SPIRE1: variants seen among roughly 807,000 people sequenced by gnomAD.
SPIRE1 encodes the protein spire type actin nucleation factor 1.
A neutral mutation model predicts 94.1 loss-of-function variants in SPIRE1; 40 were observed. That is an observed-to-expected ratio of 0.43 (90% CI 0.33 to 0.55). The LOEUF is 0.55. Among genes scored for constraint, SPIRE1 ranks in the 20% least tolerant of loss-of-function variants. SPIRE1 has a pLI of 0.06. For synonymous variants in SPIRE1, 376 were observed against 371.7 expected, an observed-to-expected ratio of 1.01 and a Z score of -0.13; for missense variants, 838 against 975.2, an observed-to-expected ratio of 0.86 and a Z score of 1.87.
intron 3 of SPIRE1, among the ~76,000 whole-genome samples, chr18:12,539,661 G>A (rs968609170): frequency 6.6e-6 from 1 of 151,782 alleles, no homozygotes; most frequent in Non-Finnish European, 1.5e-5. Flanking sequence ...AAGTGTGGTG[G>A]CTCACACCTG....
intron 2 of SPIRE1, among the ~76,000 whole-genome samples, chr18:12,621,297 T>G (rs1424416581): frequency 6.6e-6 from 1 of 152,226 alleles, no homozygotes; most frequent in Non-Finnish European, 1.5e-5. Flanking sequence ...AGAGTTACTT[T>G]GAGAAACAGT....
chr18:12,527,294 C>T (rs79571248), intron 4 of SPIRE1, among the ~76,000 whole-genome samples: 107 of 152,286 alleles, frequency 7.0e-4, no homozygotes, highest in Non-Finnish European at 1.4e-3. Context: ...TTTATCATCA[C>T]AGGCAGCTAC....
chr18:12,571,137 C>T (rs1209874750), intron 2 of SPIRE1, among the ~76,000 whole-genome samples: 1 of 152,140 alleles, frequency 6.6e-6, no homozygotes. Context: ...CGCAGTTGCA[C>T]AACCTCTGCT....
At chr18:12,513,096 C>T (rs986635479) in intron 4 of SPIRE1, among the ~76,000 whole-genome samples, 5 of 152,140 alleles carry the variant, frequency 3.3e-5, no homozygotes, top group African/African-American at 7.2e-5. Flanking sequence ...CATATTAGTG[C>T]CTTCCCTCTA....
intron 2 of SPIRE1, among the ~76,000 whole-genome samples, chr18:12,557,648 C>G (rs1247098389): frequency 6.6e-6 from 1 of 152,038 alleles, no homozygotes; most frequent in Non-Finnish European, 1.5e-5. Flanking sequence ...GATGCTGAGG[C>G]CTGAGGAGGC....
chr18:12,654,645 A>C (rs548333506), intron 1 of SPIRE1, among the ~76,000 whole-genome samples: 2 of 150,262 alleles, frequency 1.3e-5, no homozygotes, highest in South Asian at 2.1e-4. Context: ...ACTGAGCGAG[A>C]CTCCGTCTCA....
chr18:12,629,651 T>A (rs1292911402), intron 2 of SPIRE1, among the ~76,000 whole-genome samples: 2 of 152,014 alleles, frequency 1.3e-5, no homozygotes. Context: ...CAAAGTGGCA[T>A]GGGGGACGTT....
intron 2 of SPIRE1, among the ~76,000 whole-genome samples, chr18:12,549,862 G>A (rs1354528129): frequency 6.6e-6 from 1 of 152,072 alleles, no homozygotes; most frequent in African/African-American, 2.4e-5. Context: ...CAACACCAGC[G>A]ATGGCTTCCA....
At chr18:12,635,004 T>C in intron 2 of SPIRE1, 58 bp downstream of exon 2, 2 of 921,772 alleles carry the variant, frequency 2.2e-6, no homozygotes, top group Non-Finnish European at 3.4e-6. Context: ...GTACTCAAGT[T>C]AGTCTAAACA....
chr18:12,593,061 C>A (rs2036576651), intron 2 of SPIRE1, among the ~76,000 whole-genome samples: 1 of 152,220 alleles, frequency 6.6e-6, no homozygotes. Context: ...TTGTAGATTA[C>A]TCTTCGTGTT....
intron 7 of SPIRE1, among the ~76,000 whole-genome samples, chr18:12,494,848 A>G (rs1239556104): frequency 2.7e-5 from 4 of 146,948 alleles, no homozygotes; most frequent in Non-Finnish European, 4.5e-5. Flanking sequence ...CAAAAAAAAA[A>G]AAAAAAAAAT....
intron 9 of SPIRE1, among the ~76,000 whole-genome samples, chr18:12,483,195 A>C (rs1045228079): frequency 1.3e-5 from 2 of 152,116 alleles, no homozygotes; most frequent in African/African-American, 4.8e-5. Context: ...CCTGGGCTTA[A>C]GCAAACTGCC....
At chr18:12,621,943 T>A (rs147077644) in intron 2 of SPIRE1, among the ~76,000 whole-genome samples, 1 of 152,196 alleles carries the variant, frequency 6.6e-6, no homozygotes, top group Non-Finnish European at 1.5e-5. Flanking sequence ...AATGGGTTTT[T>A]AAAAACCTTA....
chr18:12,577,153 A>T (rs1026681618), intron 2 of SPIRE1, among the ~76,000 whole-genome samples: 5 of 151,782 alleles, frequency 3.3e-5, no homozygotes, highest in South Asian at 2.1e-4. Context: ...TATTATTATT[A>T]TTTTTATTTT....
intron 4 of SPIRE1, among the ~76,000 whole-genome samples, chr18:12,514,453 A>AT (rs370295067): frequency 0.028 from 4,064 of 147,126 alleles, 78 homozygotes; most frequent in African/African-American, 0.049. Flanking sequence ...GGAAAGAAGA[A>AT]TTTTTTTTTT....
intron 2 of SPIRE1, among the ~76,000 whole-genome samples, chr18:12,564,416 C>A (rs972013565): frequency 3.3e-5 from 5 of 152,072 alleles, no homozygotes; most frequent in Non-Finnish European, 4.4e-5. Context: ...AAACATAAAA[C>A]ACATGTATAA....
chr18:12,612,227 T>C (rs1014551612), intron 2 of SPIRE1, among the ~76,000 whole-genome samples: 2 of 152,196 alleles, frequency 1.3e-5, no homozygotes, highest in African/African-American at 4.8e-5. Flanking sequence ...TGATCACTTC[T>C]TCCTCCATGA....
intron 1 of SPIRE1, among the ~76,000 whole-genome samples, chr18:12,641,297 T>C (rs1203960927): frequency 1.3e-5 from 2 of 152,122 alleles, no homozygotes; most frequent in African/African-American, 2.4e-5. Context: ...AAAAAACCCA[T>C]AGTTTTGTAG....
At chr18:12,461,777 G>A (rs141578442) in intron 12 of SPIRE1, among the ~76,000 whole-genome samples, 131 of 152,100 alleles carry the variant, frequency 8.6e-4, no homozygotes, top group African/African-American at 3.1e-3. Context: ...ACGGGCATGC[G>A]CCACCACATC....
Sources: allele counts gnomAD v4.1 joint callset (sites outside exome capture counted in the v4.1 genomes callset), GRCh38; gene constraint gnomAD v4.1.1; transcripts MANE v1.5; gene names NCBI Gene and HGNC (gene_info 2026-07-23, HGNC 2026-07-21).